WDFY1: variants seen among roughly 807,000 people sequenced by gnomAD.
WDFY1 encodes WD repeat and FYVE domain-containing protein 1.
Under a neutral mutation model 56.4 loss-of-function variants are expected in WDFY1, and 32 were observed. The ratio of observed to expected loss-of-function variants is 0.57; its 90% confidence interval spans 0.43 to 0.76. The LOEUF (loss-of-function observed/expected upper bound fraction) is 0.76. Among genes scored for constraint, WDFY1 ranks in the 30% least tolerant of loss-of-function variants. The pLI is 0.00. For synonymous variants in WDFY1, 192 were observed against 197.3 expected, an observed-to-expected ratio of 0.97 and a Z score of 0.23; for missense variants, 480 against 545.7, an observed-to-expected ratio of 0.88 and a Z score of 1.20.
intron 3 of WDFY1, among the ~76,000 whole-genome samples, chr2:223,908,527 C>T (rs1436517510): frequency 6.6e-6 from 1 of 152,208 alleles, no homozygotes; most frequent in East Asian, 1.9e-4. Context: ...TGGCTCTCCT[C>T]CCACTTTGCC....
intron 10 of WDFY1, among the ~76,000 whole-genome samples, chr2:223,880,466 G>T (rs1192758354): frequency 6.6e-6 from 1 of 152,042 alleles, no homozygotes; most frequent in Non-Finnish European, 1.5e-5. Flanking sequence ...AATTAGCTCT[G>T]TGTGGTGGCA....
intron 4 of WDFY1, among the ~76,000 whole-genome samples, chr2:223,905,255 C>T (rs1304017796): frequency 6.6e-6 from 1 of 152,116 alleles, no homozygotes; most frequent in Non-Finnish European, 1.5e-5. Flanking sequence ...ATCTAGGGCA[C>T]TTAAAAAACT....
At chr2:223,939,565 T>C (rs1574784504) in intron 1 of WDFY1, among the ~76,000 whole-genome samples, 1 of 152,120 alleles carries the variant, frequency 6.6e-6, no homozygotes, top group Non-Finnish European at 1.5e-5. Flanking sequence ...ACAATCATGG[T>C]GGAAGGCAGA....
chr2:223,889,202 C>G (rs1693226692), intron 8 of WDFY1, among the ~76,000 whole-genome samples: 1 of 152,132 alleles, frequency 6.6e-6, no homozygotes, highest in African/African-American at 2.4e-5. Context: ...CGGTGTCTGG[C>G]CTCTCAATTC....
At chr2:223,898,540 G>C (rs1693438837) in intron 6 of WDFY1, among the ~76,000 whole-genome samples, 1 of 151,888 alleles carries the variant, frequency 6.6e-6, no homozygotes, top group Non-Finnish European at 1.5e-5. Context: ...GCTAGGGGTG[G>C]AATTACAGGT....
At chr2:223,918,127 A>G in intron 1 of WDFY1, 117 bp from the exon 2 acceptor site, 1 of 974,574 alleles carries the variant, frequency 1.0e-6, no homozygotes, top group Non-Finnish European at 1.5e-6. Flanking sequence ...ACCTTATAAA[A>G]CTAACTGGAC....
intron 5 of WDFY1, among the ~76,000 whole-genome samples, chr2:223,900,305 C>T (rs1574765400): frequency 6.6e-6 from 1 of 152,096 alleles, no homozygotes; most frequent in African/African-American, 2.4e-5. Flanking sequence ...CTTGTTTGAT[C>T]CTAAAGTATA....
At chr2:223,918,105 A>C in intron 1 of WDFY1, 95 bp from the exon 2 acceptor site, 1 of 1,311,728 alleles carries the variant, frequency 7.6e-7, no homozygotes, top group Non-Finnish European at 1.1e-6. Flanking sequence ...GTTTAACACT[A>C]TTTCCTAACT....
At chr2:223,902,148 T>A (rs756061066) in intron 4 of WDFY1, among the ~76,000 whole-genome samples, 14 of 152,220 alleles carry the variant, frequency 9.2e-5, no homozygotes, top group Non-Finnish European at 1.5e-4. Context: ...TAGGAAGAAC[T>A]GAGGGACTCT....
chr2:223,899,272 A>G, intron 5 of WDFY1: 1 of 504,980 alleles, frequency 2.0e-6, no homozygotes, highest in Non-Finnish European at 3.5e-6. Context: ...GGTAAAAATT[A>G]AAACAGCTGT....
intron 2 of WDFY1, among the ~76,000 whole-genome samples, chr2:223,914,008 T>TA (rs1693747609): frequency 2.8e-5 from 4 of 141,754 alleles, no homozygotes; most frequent in African/African-American, 1.1e-4. Context: ...TTTTTTTTTT[T>TA]TTTTTTTTGA....
intron 11 of WDFY1, among the ~76,000 whole-genome samples, chr2:223,879,473 T>C (rs1304309384): frequency 6.6e-6 from 1 of 151,792 alleles, no homozygotes; most frequent in East Asian, 1.9e-4. Context: ...CTGGGCAACA[T>C]AGTAGGACCC....
intron 8 of WDFY1, among the ~76,000 whole-genome samples, chr2:223,886,665 G>T (rs1273683940): frequency 1.4e-5 from 2 of 141,318 alleles, no homozygotes; most frequent in Non-Finnish European, 3.0e-5. Context: ...GGGAGGTGGA[G>T]GTTGCAGTGA....
intron 4 of WDFY1, among the ~76,000 whole-genome samples, chr2:223,904,808 T>C (rs778416613): frequency 6.6e-6 from 1 of 152,214 alleles, no homozygotes; most frequent in East Asian, 1.9e-4. Context: ...ATTGCTCTGA[T>C]GGGAATCCAC....
intron 1 of WDFY1, among the ~76,000 whole-genome samples, chr2:223,926,147 A>C (rs1374771795): frequency 6.6e-6 from 1 of 152,150 alleles, no homozygotes; most frequent in African/African-American, 2.4e-5. Context: ...TTATAGCCTT[A>C]TAAAAAAATT....
intron 8 of WDFY1, among the ~76,000 whole-genome samples, chr2:223,890,503 AAG>A (rs769714967): frequency 6.6e-6 from 1 of 152,318 alleles, no homozygotes; most frequent in Admixed American, 6.5e-5. Flanking sequence ...ATTTTAATAT[AAG>A]AGATACCCCT....
intron 11 of WDFY1, among the ~76,000 whole-genome samples, chr2:223,879,636 G>A (rs1693032551): frequency 6.6e-6 from 1 of 150,838 alleles, no homozygotes; most frequent in South Asian, 2.1e-4. Flanking sequence ...CTCCAGCCTG[G>A]ACAACAGAGC....
intron 3 of WDFY1, among the ~76,000 whole-genome samples, chr2:223,907,956 C>T (rs1197836131): frequency 6.6e-6 from 1 of 151,810 alleles, no homozygotes; most frequent in Non-Finnish European, 1.5e-5. Context: ...ACTTCCCAGG[C>T]TCAAGTGATC....
intron 6 of WDFY1, among the ~76,000 whole-genome samples, chr2:223,895,856 T>C (rs984013510): frequency 2.6e-5 from 4 of 151,970 alleles, no homozygotes; most frequent in South Asian, 4.1e-4. Flanking sequence ...CAATTTTCAA[T>C]TATGCATCAA....
Sources: allele counts gnomAD v4.1 joint callset (sites outside exome capture counted in the v4.1 genomes callset), GRCh38; gene constraint gnomAD v4.1.1; transcripts MANE v1.5; gene names NCBI Gene and HGNC (gene_info 2026-07-23, HGNC 2026-07-21).